The following TMEM201 variants were observed in gnomAD, a reference collection of about 807,000 sequenced individuals.
TMEM201 encodes transmembrane protein 201.
In TMEM201, 26 loss-of-function variants were observed where a neutral mutation model predicts 63.4. The observed-to-expected ratio is 0.41, with a 90% CI of 0.30 to 0.57. TMEM201 has a LOEUF of 0.57. Ranked by LOEUF, TMEM201 falls within the 20% of genes least tolerant of loss-of-function variation. The pLI is 0.29. For missense variants in TMEM201, 794 were observed against 917.7 expected, an observed-to-expected ratio of 0.87 and a Z score of 1.74; for synonymous variants, 417 against 421.6, an observed-to-expected ratio of 0.99 and a Z score of 0.14.
Position 9,602,286 on chromosome 1 carries a change from C to A in TMEM201, c.1160+14C>A. 6.2e-7 allele frequency: 1 copy of A among 1,610,408 alleles called. No individual in the cohort carries two copies. Among genetic ancestry groups the A allele is most frequent in the Non-Finnish European group, 8.5e-7 (1 of 1,179,412 alleles). On this transcript the variant is annotated intron_variant, in intron 6 of 10. Transcript: ENST00000340381. ...CCGGCCCCGAAGGTCAGAGAAGCAG[C>A]CATGACTGCGGGGGGAGGACACACG...
At position 9,602,156 on chromosome 1, in the gene TMEM201, G is replaced by A. The variant is rs761878650; in HGVS notation, c.1044G>A (p.Ser348=). ...HLAEQHLQAA[S]PSWLDTLKFS... is the part of the protein sequence containing the mutation. ...CTGAGCAGCACCTGCAGGCCGCCTC[G>A]CCTAGCTGGCTAGACACGCTCAAGT... Residue 348 remains serine (S), a synonymous_variant, in exon 6 of 11, where the codon TCG becomes TCA. Coordinates refer to ENST00000340381, the MANE Select transcript of TMEM201 (RefSeq NM_001130924.3). The A allele has an allele frequency of 1.3e-5, 21 of 1,613,062 alleles. No homozygotes were observed. The highest frequency in any genetic ancestry group is 6.7e-5 in the East Asian group (3 of 44,898).
chr1:9,590,955 G>A (rs928674776), intron 1 of TMEM201, among the ~76,000 whole-genome samples: 1 of 152,206 alleles, frequency 6.6e-6, no homozygotes. Context: ...AGCTGTTTTT[G>A]GAAGGCGACT....
rs1644329475 is a variant in TMEM201, at chr1:9,611,904, G to A, written c.1903+14G>A. On this transcript the variant is annotated intron_variant, in intron 10 of 10. Coordinates refer to ENST00000340381, the MANE Select transcript of TMEM201 (RefSeq NM_001130924.3). ...CCACCTGGAGAGGTCTGTACCCTGA[G>A]GTGCGGGAGGGGAGGGGGTGGGCAC... is the stretch of plus-strand genomic sequence containing the variant. 6.5e-7 allele frequency: 1 copy of A among 1,531,058 alleles called. No homozygotes were observed. Among genetic ancestry groups the A allele is most frequent in the African/African-American group, 1.4e-5 (1 of 72,048 alleles). The allele number at this position is 1,531,058 out of a possible 1,614,324, so 94.8% of individuals were successfully genotyped here.
intron 10 of TMEM201, 116 bp from the exon 11 acceptor site, chr1:9,612,866 CAGAG>C (rs1473578759): frequency 2.4e-6 from 2 of 838,992 alleles, no homozygotes; most frequent in Non-Finnish European, 3.8e-6. Context: ...TCACCAGTCT[CAGAG>C]AGTACCCTGG....
chr1:9,589,266 G>A (rs1293094075), intron 1 of TMEM201, among the ~76,000 whole-genome samples: 21 of 151,394 alleles, frequency 1.4e-4, no homozygotes, highest in Admixed American at 1.4e-3. Context: ...CGTGGGGCGC[G>A]GGCGAGAGCG....
Position 9,613,188 on chromosome 1 carries a change from C to T in TMEM201, c.*105C>T. The T allele has an allele frequency of 9.0e-7, 1 of 1,110,700 alleles. No individual in the cohort carries two copies. Among genetic ancestry groups the T allele is most frequent in the Non-Finnish European group, 1.3e-6 (1 of 763,568 alleles). The allele number at this position is 1,110,700 out of a possible 1,614,324, so 68.8% of individuals were successfully genotyped here. On this transcript the variant is annotated 3_prime_UTR_variant, in exon 11 of 11. Transcript: ENST00000340381. ...GGGGCTGCCACCTCTGCCCTCATCT[C>T]CAGGGCCTTGACCTCACTGGACTGT...
At position 9,601,169 on chromosome 1, in the gene TMEM201, C is replaced by T. The variant is rs768287386; in HGVS notation, c.671C>T (p.Ala224Val). The change falls in exon 5 of 11, where the codon GCC becomes GTC. Residue 224 changes from alanine to valine, a missense_variant. Ala to Val is a moderately conservative substitution (Grantham distance 64). Coordinates refer to ENST00000340381, the MANE Select transcript of TMEM201 (RefSeq NM_001130924.3). ...CTGCTCCGTGCCCTCGCCTTCCTGG[C>T]CTGCGCCTTCCTACTGACCACCGCG... ...VILLRALAFL[A>V]CAFLLTTALY... 7 of 1,610,664 alleles carry T rather than the reference C, an allele frequency of 4.3e-6. No homozygotes were observed. The highest frequency in any genetic ancestry group is 1.1e-5 in the South Asian group (1 of 90,988).
intron 1 of TMEM201, among the ~76,000 whole-genome samples, chr1:9,595,004 GC>G (rs968120476): frequency 1.1e-4 from 17 of 152,246 alleles, no homozygotes; most frequent in African/African-American, 4.1e-4. Flanking sequence ...GCTGGAGGTG[GC>G]CCCTGGGGGA....
At chr1:9,590,396 G>C (rs907392123) in intron 1 of TMEM201, among the ~76,000 whole-genome samples, 2 of 152,196 alleles carry the variant, frequency 1.3e-5, no homozygotes, top group African/African-American at 4.8e-5. Context: ...AACCCAGGAT[G>C]GGGGGTGTTG....
intron 3 of TMEM201, 88 bp from the exon 4 acceptor site, chr1:9,598,361 G>A: frequency 1.1e-5 from 17 of 1,500,372 alleles, no homozygotes; most frequent in Non-Finnish European, 1.5e-5. Context: ...TAAGTGGCAG[G>A]TCAGGATCTG....
intron 5 of TMEM201, 127 bp from the exon 6 acceptor site, chr1:9,601,942 C>A: frequency 8.7e-7 from 1 of 1,151,656 alleles, no homozygotes; most frequent in Non-Finnish European, 1.2e-6. Context: ...GGATTCCGAG[C>A]CCACACTGTC....
At chr1:9,597,835 G>A (rs898897649) in intron 3 of TMEM201, among the ~76,000 whole-genome samples, 17 of 152,212 alleles carry the variant, frequency 1.1e-4, no homozygotes, top group Non-Finnish European at 2.2e-4. Context: ...ATGCTTGGTC[G>A]CAGCAAGGGA....
chr1:9,598,750 TA>T, intron 4 of TMEM201, 125 bp downstream of exon 4: 1 of 957,972 alleles, frequency 1.0e-6, no homozygotes, highest in Non-Finnish European at 1.5e-6. Context: ...ATTTTTATTT[TA>T]TTTTATTTTA....
chr1:9,598,568 C>A lies in TMEM201; in HGVS notation c.549C>A (p.Arg183=), dbSNP rs561694498. 39 of 1,613,520 alleles carry A rather than the reference C, an allele frequency of 2.4e-5. No individual in the cohort carries two copies. Among genetic ancestry groups the A allele is most frequent in the Non-Finnish European group, 3.1e-5 (37 of 1,180,024 alleles). Residue 183 remains arginine, a synonymous_variant, in exon 4 of 11, where the codon CGC becomes CGA. Transcript: ENST00000340381. ...TCAAGCACCAGAACCGCCAGCTGCG[C>A]GCCCTGTTGCTCAGCCACCAGTTCA... ...YYIKHQNRQL[R]ALLLSHQFKR...
chr1:9,605,620 G>A lies in TMEM201; in HGVS notation c.1161-1937G>A, dbSNP rs977577148. ...TACGAGGTCTTGCTGGTTGAGTGAT[G>A]TTCCCACATATCACAGTGAGGGAGT... On this transcript the variant is annotated intron_variant, in intron 6 of 10. Coordinates refer to ENST00000340381, the MANE Select transcript of TMEM201 (RefSeq NM_001130924.3). The surrounding 1 kb of genome is among the most constrained non-coding windows in gnomAD (Gnocchi z 5.7). Among the ~76,000 whole-genome samples, 2 of 152,198 alleles carry A rather than the reference G, an allele frequency of 1.3e-5. No individual in the cohort carries two copies. The highest frequency in any genetic ancestry group is 2.4e-5 in the African/African-American group (1 of 41,456).
intron 4 of TMEM201, 62 bp from the exon 5 acceptor site, chr1:9,601,043 G>A (rs866644880): frequency 3.3e-5 from 47 of 1,438,422 alleles, no homozygotes; most frequent in South Asian, 1.7e-4. Context: ...GACTGGCACC[G>A]GTGATGGCTG....
intron 10 of TMEM201, 67 bp downstream of exon 10, chr1:9,611,957 G>T: frequency 1.4e-6 from 2 of 1,462,716 alleles, no homozygotes; most frequent in Non-Finnish European, 1.8e-6. Context: ...CTCCCCCAGG[G>T]GGGTCCAGAG....
chr1:9,609,639 C>G (rs1332858274), intron 7 of TMEM201, among the ~76,000 whole-genome samples: 6 of 152,156 alleles, frequency 3.9e-5, no homozygotes, highest in Non-Finnish European at 7.3e-5. Flanking sequence ...CCAGCCCAAG[C>G]CTCAGTTTCT....
At chr1:9,589,317 G>T (rs1466763927) in intron 1 of TMEM201, among the ~76,000 whole-genome samples, 1 of 151,938 alleles carries the variant, frequency 6.6e-6, no homozygotes, top group Non-Finnish European at 1.5e-5. Context: ...GCCGCGGGGG[G>T]CTGGAGCCGG....
Sources: allele counts gnomAD v4.1 joint callset (sites outside exome capture counted in the v4.1 genomes callset), GRCh38; gene constraint gnomAD v4.1.1; non-coding constraint Gnocchi (gnomAD v3.1); transcripts MANE v1.5; gene names NCBI Gene and HGNC (gene_info 2026-07-23, HGNC 2026-07-21).